The following CFAP95 variants were observed in gnomAD, a reference collection of about 807,000 sequenced individuals.
CFAP95 encodes cilia- and flagella-associated protein 95.
the CFAP95 span, among the ~76,000 whole-genome samples, chr9:69,839,929 T>C: frequency 6.6e-6 from 1 of 151,470 alleles, no homozygotes; most frequent in East Asian, 2.0e-4. Context: ...TACAGAAAAT[T>C]AGCTGGGCAC....
the CFAP95 span, among the ~76,000 whole-genome samples, chr9:69,896,833 G>C: frequency 9.1e-4 from 139 of 152,120 alleles, no homozygotes; most frequent in African/African-American, 3.1e-3. Context: ...AACCTGCAGT[G>C]AGCTATGATT....
the CFAP95 span, among the ~76,000 whole-genome samples, chr9:69,883,747 C>G: frequency 6.6e-6 from 1 of 151,636 alleles, no homozygotes; most frequent in East Asian, 1.9e-4. Context: ...TTTTTCATCT[C>G]TGATTTTATT....
At chr9:69,849,744 A>G in the CFAP95 span, among the ~76,000 whole-genome samples, 26 of 152,226 alleles carry the variant, frequency 1.7e-4, 1 homozygote, top group Admixed American at 4.6e-4. Flanking sequence ...GGGATAATTG[A>G]TTTCCTATTT....
At chr9:69,904,749 C>A in the CFAP95 span, among the ~76,000 whole-genome samples, 6 of 152,242 alleles carry the variant, frequency 3.9e-5, no homozygotes, top group Admixed American at 1.3e-4. Context: ...TTGACCTACC[C>A]ACCAAGCAAC....
chr9:69,886,929 G>T, the CFAP95 span: 9 of 1,548,056 alleles, frequency 5.8e-6, no homozygotes, highest in Middle Eastern at 3.4e-4. Context: ...CTACCTATTT[G>T]TGTACTTGAA....
the CFAP95 span, chr9:69,857,821 C>T: frequency 2.5e-6 from 3 of 1,187,478 alleles, no homozygotes; most frequent in South Asian, 1.4e-5. Context: ...AGCCACTGCG[C>T]CCAGCCCCTA....
chr9:69,883,441 A>T, the CFAP95 span, among the ~76,000 whole-genome samples: 2,524 of 152,194 alleles, frequency 0.017, 76 homozygotes, highest in African/African-American at 0.057. Flanking sequence ...TGGAGATGTC[A>T]TTTGTGGTTT....
the CFAP95 span, among the ~76,000 whole-genome samples, chr9:69,870,903 G>A: frequency 1.3e-5 from 2 of 152,164 alleles, no homozygotes; most frequent in East Asian, 3.9e-4. Context: ...GGCACCCTAG[G>A]CAGAGGATGA....
chr9:69,861,517 CT>C, the CFAP95 span, among the ~76,000 whole-genome samples: 2 of 151,938 alleles, frequency 1.3e-5, no homozygotes, highest in Non-Finnish European at 1.5e-5. Flanking sequence ...AAATTTCTAG[CT>C]TTCTGCTAAG....
At chr9:69,844,560 G>C in the CFAP95 span, 6 of 1,612,568 alleles carry the variant, frequency 3.7e-6, no homozygotes, top group African/African-American at 2.7e-5. Flanking sequence ...TGATATAGAG[G>C]GTCCTGAGAA....
the CFAP95 span, among the ~76,000 whole-genome samples, chr9:69,835,508 C>T: frequency 3.3e-5 from 5 of 152,230 alleles, no homozygotes; most frequent in African/African-American, 1.2e-4. Flanking sequence ...CATAATTACT[C>T]CCTCTTTACG....
the CFAP95 span, among the ~76,000 whole-genome samples, chr9:69,832,086 T>G: frequency 1.7e-4 from 26 of 152,174 alleles, no homozygotes; most frequent in African/African-American, 3.6e-4. Context: ...TCCTAATAGA[T>G]CCAGTCAAAG....
At chr9:69,879,142 G>A in the CFAP95 span, among the ~76,000 whole-genome samples, 4 of 152,038 alleles carry the variant, frequency 2.6e-5, no homozygotes, top group East Asian at 7.7e-4. Context: ...TCCAAACAGT[G>A]TCAATATTCT....
At chr9:69,852,811 G>A in the CFAP95 span, among the ~76,000 whole-genome samples, 1 of 152,164 alleles carries the variant, frequency 6.6e-6, no homozygotes, top group Non-Finnish European at 1.5e-5. Context: ...TTCCCATGCT[G>A]TTCTTGTAAT....
the CFAP95 span, among the ~76,000 whole-genome samples, chr9:69,852,462 G>T: frequency 1.3e-5 from 2 of 152,168 alleles, no homozygotes; most frequent in Non-Finnish European, 2.9e-5. Context: ...AGTTGGAGGA[G>T]TTGTCTGGAG....
chr9:69,835,819 T>C, the CFAP95 span, among the ~76,000 whole-genome samples: 523 of 152,294 alleles, frequency 3.4e-3, 1 homozygote, highest in Non-Finnish European at 5.3e-3. Flanking sequence ...GCTGGTTTCT[T>C]TGCAACCTCC....
chr9:69,904,792 A>G, the CFAP95 span, among the ~76,000 whole-genome samples: 1 of 152,236 alleles, frequency 6.6e-6, no homozygotes, highest in African/African-American at 2.4e-5. Flanking sequence ...AGCCCGAATG[A>G]CAAAAGCAAA....
At chr9:69,855,366 G>A in the CFAP95 span, among the ~76,000 whole-genome samples, 611 of 152,338 alleles carry the variant, frequency 4.0e-3, 6 homozygotes, top group African/African-American at 0.014. Context: ...TAGCCAAAAG[G>A]CTGAGAAGCA....
the CFAP95 span, chr9:69,858,023 T>C: frequency 6.3e-7 from 1 of 1,580,570 alleles, no homozygotes; most frequent in Non-Finnish European, 8.7e-7. Context: ...TGTTTCTTGA[T>C]TCAGAAGGTT....
Sources: allele counts gnomAD v4.1 joint callset (sites outside exome capture counted in the v4.1 genomes callset), GRCh38; gene constraint gnomAD v4.1.1; transcripts MANE v1.5; gene names NCBI Gene and HGNC (gene_info 2026-07-23, HGNC 2026-07-21).